Variants in SYNRG observed in about 807,000 individuals in gnomAD.
SYNRG encodes the protein AP1 gamma subunit binding protein 1.
A neutral mutation model predicts 130.9 loss-of-function variants in SYNRG; 37 were observed. The observed-to-expected ratio is 0.28, with a 90% CI of 0.22 to 0.37. The LOEUF is 0.37. SYNRG is among the 10% of genes least tolerant of loss of function. The probability of loss-of-function intolerance (pLI) is 1.00; values close to 1 mark genes in which losing one functional copy is unlikely to be tolerated. For missense variants in SYNRG, 1,338 were observed against 1,588.9 expected (o/e 0.84, Z 2.68); for synonymous variants, 539 against 568.1 (o/e 0.95, Z 0.73).
intron 3 of SYNRG, among the ~76,000 whole-genome samples, chr17:37,591,028 C>T (rs1337606808): frequency 1.3e-5 from 2 of 152,026 alleles, no homozygotes; most frequent in African/African-American, 4.8e-5. Context: ...ACAAACGTGG[C>T]ATATTAAAAT....
rs919690436 is a variant in SYNRG, at chr17:37,517,447, G to A, written c.*1493C>T. The A allele has an allele frequency of 4.0e-5, 6 of 151,828 alleles. No individual in the cohort carries two copies. Among genetic ancestry groups the A allele is most frequent in the African/African-American group, 7.3e-5 (3 of 41,334 alleles). 9.4% of individuals were successfully genotyped at this position (151,828 alleles called of 1,614,324 possible). A position where few individuals can be genotyped will look rare whatever the true frequency, so the allele number is the denominator to read the frequency against. On this transcript the variant is annotated 3_prime_UTR_variant, in exon 22 of 22. Transcript: ENST00000612223. ...AGGAATGGCCAGAGACGGTATCATC[G>A]GGAGCGAGTGAGAAAAGCCTTTCTC...
intron 6 of SYNRG, among the ~76,000 whole-genome samples, chr17:37,583,664 C>G (rs2061492694): frequency 6.6e-6 from 1 of 152,110 alleles, no homozygotes; most frequent in South Asian, 2.1e-4. Context: ...TTCTTGGAAT[C>G]AGCTGATAAA....
chr17:37,564,379 T>C (rs1288672350), intron 11 of SYNRG, among the ~76,000 whole-genome samples: 2 of 152,230 alleles, frequency 1.3e-5, no homozygotes, highest in Non-Finnish European at 2.9e-5. Context: ...TCAGTGTCTA[T>C]AACTCTAAAC....
At chr17:37,587,978 G>A (rs565374006) in intron 3 of SYNRG, among the ~76,000 whole-genome samples, 44 of 151,678 alleles carry the variant, frequency 2.9e-4, no homozygotes, top group South Asian at 4.2e-4. Flanking sequence ...TTTTTTTTCC[G>A]TGAGCTTATT....
intron 7 of SYNRG, among the ~76,000 whole-genome samples, chr17:37,576,819 T>G (rs2060872058): frequency 6.6e-6 from 1 of 152,196 alleles, no homozygotes; most frequent in Non-Finnish European, 1.5e-5. Context: ...AGTTTCATTG[T>G]TTTTTAACCT....
In SYNRG at chr17:37,561,566, A is replaced by C; in HGVS notation, c.1505T>G (p.Leu502Arg). The part of the protein sequence containing the change: ...GNSAPSLLMP[L>R]PGTKALPSMD... ...TGAAGGCAATGCTTTAGTTCCAGGAAGTGGCATCAACAAAGAAGGGGCACT... is the reference window on the plus strand; with the variant it reads ...TGAAGGCAATGCTTTAGTTCCAGGACGTGGCATCAACAAAGAAGGGGCACT... Residue 502 changes from leucine (L) to arginine (R), a missense_variant, in exon 12 of 22, where the codon CTT becomes CGT. By Grantham distance (102) the Leu-to-Arg change is moderately radical. Transcript: ENST00000612223. The C allele has an allele frequency of 6.2e-7, 1 of 1,612,986 alleles. No homozygotes were observed. The highest frequency in any genetic ancestry group is 2.2e-5 in the East Asian group (1 of 44,842).
At position 37,518,757 on chromosome 17, in the gene SYNRG, G is replaced by T; in HGVS notation, c.*183C>A. 2.9e-6 allele frequency: 2 copies of T among 681,670 alleles called. No homozygotes were observed. Among genetic ancestry groups the T allele is most frequent in the Non-Finnish European group, 4.7e-6 (2 of 428,932 alleles). The allele number at this position is 681,670 out of a possible 1,614,324, so 42.2% of individuals were successfully genotyped here. A position where few individuals can be genotyped will look rare whatever the true frequency, so the allele number is the denominator to read the frequency against. ...TCTGGTGCCACGTGCAGTTTGGGTG[G>T]GACAATTTTACCTGAAGTCCTGCAG... On this transcript the variant is annotated 3_prime_UTR_variant, in exon 22 of 22. Coordinates refer to ENST00000612223, the MANE Select transcript of SYNRG (RefSeq NM_007247.6).
At chr17:37,533,415 C>A (rs1255058354) in intron 19 of SYNRG, among the ~76,000 whole-genome samples, 15 of 148,080 alleles carry the variant, frequency 1.0e-4, no homozygotes, top group East Asian at 2.0e-4. Flanking sequence ...AAAAAAAAAA[C>A]AAAACAGTCT....
In SYNRG at chr17:37,577,554, G is replaced by A; in HGVS notation, c.649C>T (p.Gln217Ter). The change falls in exon 7 of 22, where the codon CAA becomes TAA. Residue 217 changes from glutamine to a stop codon, truncating the protein, a stop_gained. Coordinates refer to ENST00000612223, the MANE Select transcript of SYNRG (RefSeq NM_007247.6). LOFTEE classifies it high-confidence loss of function. ...ACTTCAGAAGTATTTAATTTAATTTGTTCCTGCCCAGATGTACTTATATCA... is the reference window on the plus strand; with the variant it reads ...ACTTCAGAAGTATTTAATTTAATTTATTCCTGCCCAGATGTACTTATATCA... ...SCDISTSGQE[Q>*]IKLNTSEVGH... is the part of the protein sequence containing the mutation. The A allele has an allele frequency of 1.9e-6, 3 of 1,614,106 alleles. No homozygotes were observed. The highest frequency in any genetic ancestry group is 2.5e-6 in the Non-Finnish European group (3 of 1,180,022).
At chr17:37,599,701 G>A (rs1163930657) in intron 2 of SYNRG, among the ~76,000 whole-genome samples, 5 of 152,120 alleles carry the variant, frequency 3.3e-5, no homozygotes, top group East Asian at 1.9e-4. Context: ...CAGCCTGGAC[G>A]ACAGAGCAAG....
At chr17:37,571,758 G>C in intron 9 of SYNRG, 33 bp downstream of exon 9, 1 of 1,560,212 alleles carries the variant, frequency 6.4e-7, no homozygotes, top group Non-Finnish European at 8.7e-7. Context: ...TATTAATAAA[G>C]TTATTTGATC....
At chr17:37,542,611 C>T (rs997514110) in intron 14 of SYNRG, 46 bp from the exon 15 acceptor site, 2 of 1,501,992 alleles carry the variant, frequency 1.3e-6, no homozygotes, top group Non-Finnish European at 9.1e-7. Flanking sequence ...GCAATTTAGG[C>T]AAAATGCCCT....
At chr17:37,558,755 T>C (rs1238686110) in intron 13 of SYNRG, among the ~76,000 whole-genome samples, 1 of 152,206 alleles carries the variant, frequency 6.6e-6, no homozygotes, top group African/African-American at 2.4e-5. Flanking sequence ...GATTGAACAC[T>C]GGCGTCTTGA....
At chr17:37,576,941 A>G (rs947264424) in intron 7 of SYNRG, among the ~76,000 whole-genome samples, 5 of 152,116 alleles carry the variant, frequency 3.3e-5, no homozygotes, top group African/African-American at 1.2e-4. Context: ...TTCATTTCTG[A>G]GGGTTGAATT....
rs1253822780 is a variant in SYNRG, at chr17:37,553,234, T to C, written c.2489A>G (p.Asp830Gly). The C allele has an allele frequency of 3.1e-6, 5 of 1,613,920 alleles. No homozygotes were observed. The highest frequency in any genetic ancestry group is 4.2e-6 in the Non-Finnish European group (5 of 1,179,972). Residue 830 changes from aspartate (D) to glycine (G), a missense_variant, in exon 14 of 22, where the codon GAT becomes GGT. By Grantham distance (94) the Asp-to-Gly change is moderately conservative (BLOSUM62 -1). Transcript: ENST00000612223. ...GSSVGKEDSE[D>G]ALSVQFDMKL... ...CATGTCAAACTGAACAGAGAGTGCA[T>C]CTTCAGAGTCCTCCTTGCCAACACT...
chr17:37,540,291 C>T (rs1252722188), intron 16 of SYNRG, 89 bp downstream of exon 16: 1 of 1,466,456 alleles, frequency 6.8e-7, no homozygotes, highest in Non-Finnish European at 9.3e-7. Flanking sequence ...CCCTCATTTT[C>T]CCCATGTGAA....
chr17:37,551,397 A>G (rs1034915922), intron 14 of SYNRG, among the ~76,000 whole-genome samples: 1 of 152,172 alleles, frequency 6.6e-6, no homozygotes, highest in African/African-American at 2.4e-5. Flanking sequence ...GGAGGAAACA[A>G]TCTGCTTTTA....
At chr17:37,597,542 T>C (rs994255455) in intron 2 of SYNRG, among the ~76,000 whole-genome samples, 2 of 152,246 alleles carry the variant, frequency 1.3e-5, no homozygotes, top group African/African-American at 2.4e-5. Context: ...AACTGTTTAA[T>C]ACTTACTATG....
chr17:37,607,975 A>AAAAAAAC (rs2063944223), intron 1 of SYNRG, among the ~76,000 whole-genome samples: 1 of 148,544 alleles, frequency 6.7e-6, no homozygotes, highest in Non-Finnish European at 1.5e-5. Context: ...AAAAAAAAAA[A>AAAAAAAC]AAAAACAAGA....
Sources: gnomAD v4.1 joint callset for allele counts (sites outside exome capture counted in the v4.1 genomes callset) on GRCh38, gnomAD v4.1.1 for gene constraint, MANE v1.5 for transcripts, NCBI Gene and HGNC (gene_info 2026-07-23, HGNC 2026-07-21) for gene names.